HDAC6: variants seen among roughly 807,000 people sequenced by gnomAD.
HDAC6 encodes the protein histone deacetylase 6.
A neutral mutation model predicts 88.9 loss-of-function variants in HDAC6; 5 were observed. The observed-to-expected ratio is 0.06, with a 90% confidence interval of 0.03 to 0.12. HDAC6 has a LOEUF of 0.12. Among genes scored for constraint, HDAC6 ranks in the 10% least tolerant of loss-of-function variants. The pLI is 1.00. For missense variants in HDAC6, 706 were observed against 1,014.4 expected (o/e 0.70, Z 4.13); for synonymous variants, 378 against 398.0 (o/e 0.95, Z 0.60).
chrX:48,815,830 T>C, intron 16 of HDAC6, 54 bp from the exon 17 acceptor site: 2 of 1,165,961 alleles, frequency 1.7e-6, no homozygotes, highest in Non-Finnish European at 2.3e-6. Flanking sequence ...AGTTCCAGAG[T>C]ATGACGGGGA....
Position 48,815,403 on chromosome X carries a change from C to T in HDAC6, c.1169C>T (p.Ala390Val), listed in dbSNP as rs1381540584. The T allele has an allele frequency of 5.0e-6, 6 of 1,201,771 alleles. No homozygotes were observed. In the African/African-American group the frequency reaches 5.3e-5, roughly 11 times the overall value. Residue 390 changes from alanine (A) to valine (V), a missense_variant, in exon 15 of 29, where the codon GCC becomes GTC. Physicochemically the swap from Ala to Val is moderately conservative, Grantham distance 64. Transcript: ENST00000334136. ...CCCCAGGGTGGCTACAACCTCCGCG[C>T]CCTGGCTGAAGGCGTCAGTGCTTCG... ...LSLEGGYNLR[A>V]LAEGVSASLH...
Position 48,823,221 on chromosome X carries a change from A to T in HDAC6, c.2822A>T (p.Glu941Val), listed in dbSNP as rs2147391708. The part of the protein sequence containing the change: ...GAMLGQTTSE[E>V]AVGGATPDQT... ...ATGCTGGGCCAGACCACCTCAGAGGAGGCTGTCGGGGGAGCCACTCCGGAC... is the reference window on the plus strand; with the variant it reads ...ATGCTGGGCCAGACCACCTCAGAGGTGGCTGTCGGGGGAGCCACTCCGGAC... Residue 941 changes from glutamate (E) to valine (V), a missense_variant, in exon 25 of 29, where the codon GAG (glutamate) becomes GTG (valine). Glu to Val is a moderately radical substitution (Grantham distance 121). Around this residue, in one of 9 missense-constraint regions of HDAC6, gnomAD observed 89 missense variants for 90.9 expected, o/e 0.98. Transcript: ENST00000334136. The T allele has an allele frequency of 8.3e-7, 1 of 1,202,919 alleles. No homozygotes were observed. Among genetic ancestry groups the T allele is most frequent in the East Asian group, 3.0e-5 (1 of 33,514 alleles).
chrX:48,814,183 C>T (rs2062944543), intron 10 of HDAC6: 2 of 358,838 alleles, frequency 5.6e-6, no homozygotes, highest in East Asian at 5.1e-5. Flanking sequence ...AATGAATGAG[C>T]GAGTGAGGTA....
chrX:48,823,453 G>A lies in HDAC6; in HGVS notation c.3054G>A (p.Leu1018=), dbSNP rs782383335. 28 of 1,209,066 alleles carry A rather than the reference G, an allele frequency of 2.3e-5. No homozygotes were observed. Among genetic ancestry groups the A allele is most frequent in the Admixed American group, 1.3e-4 (6 of 45,673 alleles). ...AGGAGGCTCCAGGGGGCACCGAGCT[G>A]ATCCAAACTCCTCTAGCCTCGAGCA... ...TSEEAPGGTE[L]IQTPLASSTD... Residue 1018 remains leucine, a synonymous_variant, in exon 25 of 29, where the codon CTG becomes CTA. Transcript: ENST00000334136.
In HDAC6 at chrX:48,802,784, C is replaced by T. The variant is rs141268593; in HGVS notation, c.92C>T (p.Ser31Leu). Residue 31 changes from serine to leucine, a missense_variant and splice_region_variant, in exon 2 of 29, where the codon TCG becomes TTG. Ser to Leu is a moderately radical substitution (Grantham distance 145). Transcript: ENST00000334136. ...QSPPQDSSVT[S>L]KRNIKKGAVP... ...CCCCCTCAGGACTCCAGTGTCACTT[C>T]GGTGAGGCCCTAGACCCGCCCTGAT... The T allele has an allele frequency of 4.4e-5, 53 of 1,205,018 alleles. No homozygotes were observed. Among genetic ancestry groups the T allele is most frequent in the Admixed American group, 1.8e-4 (8 of 45,231 alleles).
upstream of HDAC6, chrX:48,801,835 C>T: frequency 1.0e-6 from 1 of 970,938 alleles, no homozygotes; most frequent in African/African-American, 2.0e-5. Context: ...AGACGAGGCC[C>T]AATGGAAAAG....
At chrX:48,821,183 C>T (rs2063075027) in intron 23 of HDAC6, among the ~76,000 whole-genome samples, 1 of 110,332 alleles carries the variant, frequency 9.1e-6, no homozygotes, top group African/African-American at 3.3e-5. Context: ...CACTCAGCAA[C>T]CTTCTGTGCT....
intron 10 of HDAC6, chrX:48,814,123 A>C: frequency 7.3e-6 from 2 of 274,070 alleles, no homozygotes; most frequent in Non-Finnish European, 6.6e-6. Context: ...TTGGGTGGGC[A>C]CTGAGGGGGC....
chrX:48,802,546 G>T (rs1557022666), intron 1 of HDAC6, 117 bp from the exon 2 acceptor site: 3 of 1,118,937 alleles, frequency 2.7e-6, no homozygotes, highest in African/African-American at 3.7e-5. Flanking sequence ...TGGAGAATCA[G>T]ATCGCGTAAG....
At position 48,816,482 on chromosome X, in the gene HDAC6, A is replaced by T. The variant is rs782614872; in HGVS notation, c.1640A>T (p.His547Leu). 5.0e-6 allele frequency: 6 copies of T among 1,203,262 alleles called. No individual in the cohort carries two copies. Among genetic ancestry groups the T allele is most frequent in the Non-Finnish European group, 5.6e-6 (5 of 891,593 alleles). ...GCTTCCAGTGCTGAGTACGTGGGTC[A>T]TCTCCGGGCCACAGAGAAAATGAAA... is the stretch of plus-strand genomic sequence containing the variant. The part of the protein sequence containing the change: ...LTCHSAEYVG[H>L]LRATEKMKTR... Residue 547 changes from histidine to leucine, a missense_variant, in exon 19 of 29, where the codon CAT becomes CTT. Physicochemically the swap from His to Leu is moderately conservative, Grantham distance 99. Around this residue, in one of 9 missense-constraint regions of HDAC6, gnomAD observed 138 missense variants for 303.5 expected, o/e 0.45. Coordinates refer to ENST00000334136, the MANE Select transcript of HDAC6 (RefSeq NM_006044.4).
At chrX:48,804,971 C>G (rs983292687) in intron 4 of HDAC6, among the ~76,000 whole-genome samples, 1 of 110,292 alleles carries the variant, frequency 9.1e-6, no homozygotes, top group Non-Finnish European at 1.9e-5. Flanking sequence ...GTATTTGGTT[C>G]AACTGAGAAC....
intron 23 of HDAC6, among the ~76,000 whole-genome samples, chrX:48,820,868 C>T (rs1421742785): frequency 1.8e-5 from 2 of 111,491 alleles, no homozygotes; most frequent in African/African-American, 3.3e-5. Flanking sequence ...ACAAGAGTCT[C>T]GCTCTGTCAC....
intron 23 of HDAC6, among the ~76,000 whole-genome samples, chrX:48,820,913 C>T (rs1329045631): frequency 1.2e-4 from 13 of 111,672 alleles, no homozygotes; most frequent in African/African-American, 4.2e-4. Context: ...TCTCAGCTCA[C>T]TGCAGCCTCC....
At position 48,806,362 on chromosome X, in the gene HDAC6, G is replaced by A. The variant is rs782385231; in HGVS notation, c.438-6G>A. ...GCCCTGAATCTCATCTCCCATCTGT[G>A]TCTAGCCTAGAATATATTGATCTGA... On this transcript the variant is annotated splice_polypyrimidine_tract_variant and splice_region_variant and intron_variant, in intron 6 of 28. Coordinates refer to ENST00000334136, the MANE Select transcript of HDAC6 (RefSeq NM_006044.4). 8.8e-6 allele frequency: 10 copies of A among 1,139,759 alleles called. No individual in the cohort carries two copies. The East Asian group carries it at 2.7e-4, about 31-fold the overall frequency. 93.9% of individuals were successfully genotyped at this position (1,139,759 alleles called of 1,213,427 possible).
chrX:48,823,540 T>C lies in HDAC6; in HGVS notation c.3141T>C (p.Ser1047=). ...GAACTACACCCCAGATATCTCCCAG[T>C]ACACTGATTGGGAGTCTCAGGACCT... ...VQGTTPQISP[S]TLIGSLRTLE... The change falls in exon 25 of 29, where the codon AGT becomes AGC. Residue 1047 remains serine, a synonymous_variant. Coordinates refer to ENST00000334136, the MANE Select transcript of HDAC6 (RefSeq NM_006044.4). The C allele has an allele frequency of 8.3e-7, 1 of 1,210,073 alleles. No individual in the cohort carries two copies. Among genetic ancestry groups the C allele is most frequent in the Non-Finnish European group, 1.1e-6 (1 of 894,707 alleles).
intron 1 of HDAC6, 182 bp from the exon 2 acceptor site, chrX:48,802,480 GA>G: frequency 1.9e-6 from 2 of 1,074,518 alleles, no homozygotes; most frequent in Non-Finnish European, 2.4e-6. Flanking sequence ...GGGCCGGGTA[GA>G]ATGGCCACCT....
At chrX:48,805,378 A>G in intron 4 of HDAC6, 60 bp from the exon 5 acceptor site, 2 of 874,631 alleles carry the variant, frequency 2.3e-6, no homozygotes, top group Non-Finnish European at 3.3e-6. Context: ...ATGTGGAGAG[A>G]ACAGATGTGG....
At chrX:48,823,629 G>A (rs782509175) in intron 25 of HDAC6, 41 bp downstream of exon 25, 17 of 1,194,529 alleles carry the variant, frequency 1.4e-5, no homozygotes, top group Non-Finnish European at 1.9e-5. Context: ...GAAGGGGCAA[G>A]AATCGGGCTT....
intron 10 of HDAC6, chrX:48,814,093 C>A: frequency 4.0e-6 from 1 of 251,369 alleles, no homozygotes; most frequent in South Asian, 4.7e-5. Flanking sequence ...CTGAGATAGA[C>A]CCTAGAGCTG....
Sources: gnomAD v4.1 joint callset for allele counts (sites outside exome capture counted in the v4.1 genomes callset) on GRCh38, gnomAD v4.1.1 for gene constraint, gnomAD v4.1.1 regional missense constraint, MANE v1.5 for transcripts, NCBI Gene and HGNC (gene_info 2026-07-23, HGNC 2026-07-21) for gene names.